SMARCA2: variants seen among roughly 807,000 people sequenced by gnomAD.
The protein encoded by SMARCA2 is SWI/SNF-related matrix-associated actin-dependent regulator of chromatin subfamily A member 2.
SMARCA2 carries 61 observed loss-of-function variants against 199.8 expected under a neutral mutation model. The ratio of observed to expected loss-of-function variants is 0.31; its 90% CI spans 0.25 to 0.38. The LOEUF (loss-of-function observed/expected upper bound fraction) is 0.38. Among genes scored for constraint, SMARCA2 ranks in the 10% least tolerant of loss-of-function variants. The probability of loss-of-function intolerance (pLI) is 1.00; values close to 1 mark genes in which losing one functional copy is unlikely to be tolerated. For missense variants in SMARCA2, 1,344 were observed against 2,012.2 expected, an observed-to-expected ratio of 0.67 and a Z score of 6.35; for synonymous variants, 935 against 732.0, an observed-to-expected ratio of 1.28 and a Z score of -4.48.
intron 27 of SMARCA2, among the ~76,000 whole-genome samples, chr9:2,154,913 C>T (rs1825269112): frequency 6.6e-6 from 1 of 152,184 alleles, no homozygotes; most frequent in Non-Finnish European, 1.5e-5. Flanking sequence ...GATGGAGTTC[C>T]TGACTGTGTT....
intron 2 of SMARCA2, among the ~76,000 whole-genome samples, chr9:2,031,501 TG>T (rs1413503452): frequency 6.6e-6 from 1 of 152,222 alleles, no homozygotes; most frequent in Non-Finnish European, 1.5e-5. Context: ...TAAACTTTAT[TG>T]TTCTTTAGCA....
At chr9:2,118,294 A>G (rs1242199322) in intron 25 of SMARCA2, among the ~76,000 whole-genome samples, 1 of 152,218 alleles carries the variant, frequency 6.6e-6, no homozygotes, top group African/African-American at 2.4e-5. Context: ...CTGGAGGCAA[A>G]CTAGAATAGA....
intron 27 of SMARCA2, among the ~76,000 whole-genome samples, chr9:2,142,191 T>C (rs10811530): frequency 0.5 from 75,348 of 152,008 alleles, 18,950 homozygotes; most frequent in East Asian, 0.54. Flanking sequence ...CTCCTCGTCT[T>C]GGGTGACACT....
At chr9:2,162,107 T>C (rs543324292) in intron 28 of SMARCA2, among the ~76,000 whole-genome samples, 1 of 152,344 alleles carries the variant, frequency 6.6e-6, no homozygotes, top group East Asian at 1.9e-4. Flanking sequence ...TTATTTAAGA[T>C]AGTTGAAAAT....
rs1572744 is a variant in SMARCA2, at chr9:2,115,271, G to A, written c.3457-551G>A. On this transcript the variant is annotated intron_variant, in intron 24 of 33. Transcript: ENST00000349721. This position sits in a 1 kb window ranked among gnomAD's most constrained non-coding sequence, Gnocchi z 6.0. Reference sequence around the variant, plus strand: ...AACTAGCAATCCTTTTGATTTCCCAGATTGAAGACCGAGTCTTTGATAAGG... The same window carrying A: ...AACTAGCAATCCTTTTGATTTCCCAAATTGAAGACCGAGTCTTTGATAAGG... Among the ~76,000 whole-genome samples, 46,060 of 151,946 alleles carry A rather than the reference G, an allele frequency of 0.3. 8,891 individuals carry two copies. The highest frequency in any genetic ancestry group is 0.56 in the African/African-American group (22,984 of 41,406).
intron 27 of SMARCA2, chr9:2,160,449 C>T (rs1825608073): frequency 3.9e-6 from 2 of 516,906 alleles, no homozygotes; most frequent in Non-Finnish European, 6.9e-6. Flanking sequence ...TTTAACATGC[C>T]AGGTTGTTTT....
At chr9:2,111,562 C>G (rs1823006338) in intron 24 of SMARCA2, among the ~76,000 whole-genome samples, 1 of 151,066 alleles carries the variant, frequency 6.6e-6, no homozygotes, top group African/African-American at 2.4e-5. Flanking sequence ...AATTCTACAT[C>G]AGCTTTTCCT....
chr9:2,042,381 C>G (rs1344962755), intron 4 of SMARCA2: 2 of 152,212 alleles, frequency 1.3e-5, no homozygotes, highest in African/African-American at 4.8e-5. Flanking sequence ...CCTGGGATAT[C>G]ATCTTGTCAC....
chr9:2,144,297 G>C (rs913225515), intron 27 of SMARCA2, among the ~76,000 whole-genome samples: 1 of 152,112 alleles, frequency 6.6e-6, no homozygotes, highest in South Asian at 2.1e-4. Context: ...TTCTGTTGGC[G>C]ACCCCTGCGT....
chr9:2,022,759 A>G (rs1818661772), intron 1 of SMARCA2, among the ~76,000 whole-genome samples: 1 of 152,246 alleles, frequency 6.6e-6, no homozygotes, highest in African/African-American at 2.4e-5. Context: ...GTTGCTTTGC[A>G]AAAGGGCCTA....
intron 27 of SMARCA2, among the ~76,000 whole-genome samples, chr9:2,132,799 T>G (rs1824021549): frequency 6.6e-6 from 1 of 152,230 alleles, no homozygotes; most frequent in African/African-American, 2.4e-5. Flanking sequence ...GTGAATTGTT[T>G]GGAAAAATAC....
At chr9:2,172,120 A>C (rs1338983550) in intron 29 of SMARCA2, among the ~76,000 whole-genome samples, 1 of 152,162 alleles carries the variant, frequency 6.6e-6, no homozygotes, top group Non-Finnish European at 1.5e-5. Context: ...CATAAGCCTG[A>C]GCTGACAACA....
intron 12 of SMARCA2, among the ~76,000 whole-genome samples, chr9:2,076,021 C>T (rs1373220883): frequency 6.6e-6 from 1 of 151,976 alleles, no homozygotes; most frequent in Non-Finnish European, 1.5e-5. Context: ...AGAGAGTTCC[C>T]TTCATTATCT....
At chr9:2,095,378 C>T (rs559424388) in intron 19 of SMARCA2, among the ~76,000 whole-genome samples, 57 of 151,918 alleles carry the variant, frequency 3.8e-4, no homozygotes, top group Middle Eastern at 3.4e-3. Context: ...GCCACCGCAC[C>T]GGGCCAAATT....
chr9:2,139,648 A>G (rs185387655), intron 27 of SMARCA2, among the ~76,000 whole-genome samples: 3,271 of 125,766 alleles, frequency 0.026, 50 homozygotes, highest in Non-Finnish European at 0.037. Flanking sequence ...ACTACCCCCA[A>G]TATAGTCGCT....
intron 27 of SMARCA2, among the ~76,000 whole-genome samples, chr9:2,125,568 C>A (rs1823651079): frequency 6.7e-6 from 1 of 149,886 alleles, no homozygotes; most frequent in Non-Finnish European, 1.5e-5. Context: ...CAGCTCAGTG[C>A]AACCTCTGCC....
chr9:2,104,046 C>T lies in SMARCA2; in HGVS notation c.3169C>T (p.Arg1057Cys), dbSNP rs199759640. The stretch of plus-strand genomic sequence containing the variant: ...CTCAGGGAAGTTTGAGCTGCTTGAT[C>T]GTATTCTGCCAAAATTGAGAGCGAC... ...RASGKFELLDRILPKLRATNH... is the reference protein window; with the variant it reads ...RASGKFELLDCILPKLRATNH... The change falls in exon 23 of 34, where the codon CGT (arginine) becomes TGT (cysteine). Residue 1057 changes from arginine to cysteine, a missense_variant. By Grantham distance (180) the Arg-to-Cys change is radical (BLOSUM62 -3). Transcript: ENST00000349721. The surrounding 1 kb of genome is among the most constrained non-coding windows in gnomAD (Gnocchi z 4.0). 5.0e-6 allele frequency: 8 copies of T among 1,614,044 alleles called. No individual in the cohort carries two copies. The highest frequency in any genetic ancestry group is 5.9e-6 in the Non-Finnish European group (7 of 1,179,980).
chr9:2,043,079 C>A (rs1256250507), intron 4 of SMARCA2: 1 of 152,092 alleles, frequency 6.6e-6, no homozygotes, highest in Non-Finnish European at 1.5e-5. Context: ...TGTTTATCTC[C>A]TTTTTATAAA....
chr9:2,127,340 G>A (rs1176412082), intron 27 of SMARCA2, among the ~76,000 whole-genome samples: 1 of 152,138 alleles, frequency 6.6e-6, no homozygotes, highest in African/African-American at 2.4e-5. Flanking sequence ...TGACAGATAA[G>A]GGTATAGATA....
Sources: allele counts gnomAD v4.1 joint callset (sites outside exome capture counted in the v4.1 genomes callset), GRCh38; gene constraint gnomAD v4.1.1; non-coding constraint Gnocchi (gnomAD v3.1); transcripts MANE v1.5; gene names NCBI Gene and HGNC (gene_info 2026-07-23, HGNC 2026-07-21).